The following RPIA variants were observed in gnomAD, a reference collection of about 807,000 sequenced individuals.
The protein encoded by RPIA is ribose-5-phosphate isomerase.
Under a neutral mutation model 37.8 loss-of-function variants are expected in RPIA, and 29 were observed. The ratio of observed to expected loss-of-function variants is 0.77; its 90% CI spans 0.57 to 1.05. The LOEUF (loss-of-function observed/expected upper bound fraction) is 1.05. Among genes scored for constraint, RPIA ranks in the 50% least tolerant of loss-of-function variants. The pLI is 0.00. For missense variants in RPIA, 385 were observed against 413.6 expected, an observed-to-expected ratio of 0.93 and a Z score of 0.60; for synonymous variants, 167 against 157.0, an observed-to-expected ratio of 1.06 and a Z score of -0.48.
intron 8 of RPIA, among the ~76,000 whole-genome samples, chr2:88,746,116 T>G (rs1270331144): frequency 6.6e-6 from 1 of 151,322 alleles, no homozygotes; most frequent in Non-Finnish European, 1.5e-5. Context: ...AAAATGTGTC[T>G]TTCATTTCCA....
At chr2:88,736,490 T>G in intron 6 of RPIA, 45 bp from the exon 7 acceptor site, 501 of 1,605,998 alleles carry the variant, frequency 3.1e-4, no homozygotes, top group Non-Finnish European at 3.8e-4. Flanking sequence ...CCTGTACTGT[T>G]GAGCTTATTT....
At chr2:88,737,268 C>G (rs968483462) in intron 7 of RPIA, among the ~76,000 whole-genome samples, 1 of 152,286 alleles carries the variant, frequency 6.6e-6, no homozygotes, top group South Asian at 2.1e-4. Flanking sequence ...AATCCAGAAG[C>G]TAACCACAGT....
chr2:88,738,093 T>A lies in RPIA; in HGVS notation c.838+17T>A. The A allele has an allele frequency of 6.4e-7, 1 of 1,555,354 alleles. No individual in the cohort carries two copies. Among genetic ancestry groups the A allele is most frequent in the Non-Finnish European group, 8.9e-7 (1 of 1,126,440 alleles). On this transcript the variant is annotated intron_variant, in intron 8 of 8. Coordinates refer to ENST00000283646, the MANE Select transcript of RPIA (RefSeq NM_144563.3). ...TGATCCCAGGTAACATGAGTGGTGTTCACCAGTCATATACACACCCATGGC... is the reference window on the plus strand; with the variant it reads ...TGATCCCAGGTAACATGAGTGGTGTACACCAGTCATATACACACCCATGGC...
intron 5 of RPIA, among the ~76,000 whole-genome samples, chr2:88,734,870 G>A (rs1216364438): frequency 3.3e-5 from 5 of 152,170 alleles, no homozygotes; most frequent in African/African-American, 4.8e-5. Context: ...GTGTTCTTTT[G>A]TTGATTCAGA....
At chr2:88,701,843 CAT>C (rs1235820378) in intron 3 of RPIA, among the ~76,000 whole-genome samples, 2 of 152,166 alleles carry the variant, frequency 1.3e-5, no homozygotes, top group African/African-American at 2.4e-5. Flanking sequence ...GATGAGCTAA[CAT>C]AATTTTGGCT....
At chr2:88,723,641 C>G (rs781056428) in intron 3 of RPIA, among the ~76,000 whole-genome samples, 9 of 152,092 alleles carry the variant, frequency 5.9e-5, no homozygotes, top group Non-Finnish European at 1.0e-4. Flanking sequence ...AGGGGTACCT[C>G]TACTCAGAAT....
At chr2:88,720,760 G>A (rs1673110622) in intron 3 of RPIA, among the ~76,000 whole-genome samples, 1 of 152,094 alleles carries the variant, frequency 6.6e-6, no homozygotes, top group Non-Finnish European at 1.5e-5. Context: ...CTTTTACACT[G>A]TTGGTGAGAG....
At chr2:88,698,626 A>C in intron 2 of RPIA, 82 bp downstream of exon 2, 6 of 1,321,078 alleles carry the variant, frequency 4.5e-6, no homozygotes, top group Non-Finnish European at 5.5e-6. Flanking sequence ...AGTGGCACAC[A>C]GGTTTGGCAT....
intron 3 of RPIA, among the ~76,000 whole-genome samples, chr2:88,704,703 G>A (rs559795634): frequency 1.3e-5 from 2 of 152,310 alleles, no homozygotes; most frequent in South Asian, 4.1e-4. Flanking sequence ...GTTCAACATA[G>A]TACTGGAAGT....
At chr2:88,706,814 C>T (rs1459658292) in intron 3 of RPIA, among the ~76,000 whole-genome samples, 3 of 152,168 alleles carry the variant, frequency 2.0e-5, no homozygotes, top group Non-Finnish European at 4.4e-5. Context: ...TGAAATTGGA[C>T]TCCAAGTATT....
intron 3 of RPIA, among the ~76,000 whole-genome samples, chr2:88,714,644 A>G (rs1008559805): frequency 6.6e-6 from 1 of 152,190 alleles, no homozygotes; most frequent in Non-Finnish European, 1.5e-5. Context: ...TGGGAGGGGT[A>G]TGCATGGCTA....
intron 6 of RPIA, 146 bp downstream of exon 6, chr2:88,735,883 A>G (rs1234486888): frequency 8.7e-6 from 7 of 806,966 alleles, no homozygotes; most frequent in South Asian, 4.1e-5. Context: ...TACAGTGTCT[A>G]GGAGACCTTA....
chr2:88,694,868 C>T (rs1672707754), intron 1 of RPIA, among the ~76,000 whole-genome samples: 1 of 151,970 alleles, frequency 6.6e-6, no homozygotes, highest in African/African-American at 2.4e-5. Flanking sequence ...GCAGGGTTTC[C>T]CCAGTCAGTC....
At chr2:88,717,746 G>C (rs1370541396) in intron 3 of RPIA, among the ~76,000 whole-genome samples, 3 of 152,104 alleles carry the variant, frequency 2.0e-5, no homozygotes, top group Non-Finnish European at 4.4e-5. Flanking sequence ...GGTTTCTTCT[G>C]ATCTCTCATG....
chr2:88,717,563 G>A (rs540296853), intron 3 of RPIA, among the ~76,000 whole-genome samples: 376 of 152,204 alleles, frequency 2.5e-3, no homozygotes, highest in Non-Finnish European at 3.6e-3. Flanking sequence ...TGCATTTATC[G>A]CAGTGAGCAG....
At chr2:88,735,834 G>T in intron 6 of RPIA, 97 bp downstream of exon 6, 1 of 1,198,866 alleles carries the variant, frequency 8.3e-7, no homozygotes, top group Middle Eastern at 2.7e-4. Flanking sequence ...AGAGCTGCAG[G>T]GACTGTCTGA....
chr2:88,743,399 G>C (rs1419950191), intron 8 of RPIA, among the ~76,000 whole-genome samples: 1 of 152,144 alleles, frequency 6.6e-6, no homozygotes, highest in Non-Finnish European at 1.5e-5. Context: ...CTCGATCATG[G>C]TGTATTATCT....
At chr2:88,742,442 T>C (rs1673393547) in intron 8 of RPIA, among the ~76,000 whole-genome samples, 1 of 152,218 alleles carries the variant, frequency 6.6e-6, no homozygotes, top group Admixed American at 6.5e-5. Flanking sequence ...TGCTGTTTGG[T>C]GACCATGACC....
chr2:88,735,811 A>C, intron 6 of RPIA, 74 bp downstream of exon 6: 1 of 1,436,370 alleles, frequency 7.0e-7, no homozygotes, highest in Non-Finnish European at 9.8e-7. Flanking sequence ...CATTTTTGTG[A>C]AAGAGGAAAT....
Sources: gnomAD v4.1 joint callset for allele counts (sites outside exome capture counted in the v4.1 genomes callset) on GRCh38, gnomAD v4.1.1 for gene constraint, MANE v1.5 for transcripts, NCBI Gene and HGNC (gene_info 2026-07-23, HGNC 2026-07-21) for gene names.